SNTB2: variants seen among roughly 807,000 people sequenced by gnomAD.
SNTB2 encodes the protein syntrophin beta 2, also known as beta-2-syntrophin.
A neutral mutation model predicts 46.2 loss-of-function variants in SNTB2; 34 were observed. The ratio of observed to expected loss-of-function variants is 0.74; its 90% CI spans 0.56 to 0.98. SNTB2 has a LOEUF of 0.98. Ranked by LOEUF, SNTB2 falls within the 50% of genes least tolerant of loss-of-function variation. The pLI is 0.00. For missense variants in SNTB2, 603 were observed against 731.4 expected (o/e 0.82, Z 2.02); for synonymous variants, 290 against 312.6 (o/e 0.93, Z 0.76).
intron 3 of SNTB2, among the ~76,000 whole-genome samples, chr16:69,267,057 C>T (rs1428335018): frequency 6.7e-6 from 1 of 149,728 alleles, no homozygotes; most frequent in Non-Finnish European, 1.5e-5. Flanking sequence ...AAGACAGAGT[C>T]TCGCTCTGTT....
At chr16:69,241,331 C>T (rs1229163119) in intron 1 of SNTB2, among the ~76,000 whole-genome samples, 2 of 151,358 alleles carry the variant, frequency 1.3e-5, no homozygotes, top group South Asian at 2.1e-4. Flanking sequence ...TGCCTGCCAC[C>T]GCACCCGGCA....
Position 69,292,365 on chromosome 16 carries a change from T to A in SNTB2, c.1346-7225T>A, listed in dbSNP as rs1174082965. ...GTTCACCTTATTTTTTATATATATA[T>A]ATATATATATATATTATATATATAT... On this transcript the variant is annotated intron_variant, in intron 5 of 6. Coordinates refer to ENST00000336278, the MANE Select transcript of SNTB2 (RefSeq NM_006750.4). Among the ~76,000 whole-genome samples, 12 of 32,454 alleles carry A rather than the reference T, an allele frequency of 3.7e-4. 2 individuals are homozygous for A. The highest frequency in any genetic ancestry group is 1.6e-3 in the African/African-American group (12 of 7,374). 21.3% of individuals were successfully genotyped at this position (32,454 alleles called of 152,430 possible). A position where few individuals can be genotyped will look rare whatever the true frequency, so the allele number is the denominator to read the frequency against.
chr16:69,250,982 T>G (rs1964719601), intron 2 of SNTB2, among the ~76,000 whole-genome samples: 1 of 133,708 alleles, frequency 7.5e-6, no homozygotes, highest in African/African-American at 3.0e-5. Flanking sequence ...TGTTTATCTG[T>G]TTTTTTTTTT....
At chr16:69,224,584 A>G (rs944140387) in intron 1 of SNTB2, among the ~76,000 whole-genome samples, 12 of 152,162 alleles carry the variant, frequency 7.9e-5, no homozygotes, top group Non-Finnish European at 1.6e-4. Context: ...TTTGCCCAGT[A>G]ATTTTAGCAT....
chr16:69,187,650 G>A lies in SNTB2; in HGVS notation c.484G>A (p.Ala162Thr), dbSNP rs1460640400. Residue 162 changes from alanine (A) to threonine (T), a missense_variant, in exon 1 of 7, where the codon GCC (alanine) becomes ACC (threonine). Ala to Thr is a moderately conservative substitution (Grantham distance 58, BLOSUM62 0). Around this residue, in one of 2 missense-constraint regions of SNTB2, gnomAD observed 537 missense variants for 692.4 expected, o/e 0.78. Transcript: ENST00000336278. ...GAGCCGGGCGCTGCGGCTGGGCGACGCCATCCTGTCGGTGAACGGCACCGA... is the reference window on the plus strand; with the variant it reads ...GAGCCGGGCGCTGCGGCTGGGCGACACCATCCTGTCGGTGAACGGCACCGA... ...DQSRALRLGD[A>T]ILSVNGTDLR... The A allele has an allele frequency of 3.9e-6, 6 of 1,547,316 alleles. No homozygotes were observed. The highest frequency in any genetic ancestry group is 4.3e-6 in the Non-Finnish European group (5 of 1,152,122).
intron 1 of SNTB2, among the ~76,000 whole-genome samples, chr16:69,213,468 T>G (rs1346126451): frequency 1.3e-5 from 2 of 151,950 alleles, no homozygotes; most frequent in Admixed American, 6.6e-5. Flanking sequence ...TTTTTCATTC[T>G]AATAGTCTGT....
At chr16:69,275,352 C>G (rs1292524031) in intron 4 of SNTB2, among the ~76,000 whole-genome samples, 1 of 152,158 alleles carries the variant, frequency 6.6e-6, no homozygotes. Flanking sequence ...TAAGTATGAG[C>G]CACCATACCA....
At position 69,290,190 on chromosome 16, in the gene SNTB2, G is replaced by T. The variant is rs908255229; in HGVS notation, c.1345+5946G>T. 3.3e-5 allele frequency among the ~76,000 whole-genome samples: 5 copies of T among 152,238 alleles called. No individual in the cohort carries two copies. The East Asian group carries it at 9.7e-4, about 29-fold the overall frequency. ...GGTACAGAAGGACTTTCTCCTGCTT[G>T]CAAGTATGAACTTCAAGATGAGTAG... is the stretch of plus-strand genomic sequence containing the variant. On this transcript the variant is annotated intron_variant, in intron 5 of 6. Transcript: ENST00000336278.
chr16:69,243,560 A>G (rs896697067), intron 1 of SNTB2, among the ~76,000 whole-genome samples: 19 of 152,210 alleles, frequency 1.2e-4, no homozygotes, highest in Non-Finnish European at 4.4e-5. Flanking sequence ...TTATTCAAGA[A>G]TTCATTTAGA....
chr16:69,292,352 TTTTATATATATATATATATATATATATTA>T (rs1965167405), intron 5 of SNTB2, among the ~76,000 whole-genome samples: 1 of 58,702 alleles, frequency 1.7e-5, no homozygotes, highest in African/African-American at 8.2e-5. Context: ...TCACCTTATT[TTTTATATATATATATATATATATATATTA>T]TATATATATT....
intron 1 of SNTB2, among the ~76,000 whole-genome samples, chr16:69,209,620 T>A (rs562190367): frequency 1.2e-4 from 18 of 152,346 alleles, no homozygotes; most frequent in African/African-American, 4.3e-4. Context: ...GGAAATACTT[T>A]AAACAGTTTT....
intron 1 of SNTB2, among the ~76,000 whole-genome samples, chr16:69,234,394 C>T (rs1274010344): frequency 6.6e-6 from 1 of 152,120 alleles, no homozygotes; most frequent in Non-Finnish European, 1.5e-5. Context: ...TTATGGTAAA[C>T]ACACAATATG....
At chr16:69,217,037 T>TA (rs199982812) in intron 1 of SNTB2, among the ~76,000 whole-genome samples, 1 of 152,092 alleles carries the variant, frequency 6.6e-6, no homozygotes, top group Admixed American at 6.6e-5. Context: ...ATTTTTTTTT[T>TA]AAAGTCTGGA....
chr16:69,213,339 C>T (rs1964308525), intron 1 of SNTB2, among the ~76,000 whole-genome samples: 1 of 151,992 alleles, frequency 6.6e-6, no homozygotes, highest in Non-Finnish European at 1.5e-5. Flanking sequence ...GTTTTATTCT[C>T]AGTATTTTGC....
At chr16:69,274,640 G>A (rs571674631) in intron 4 of SNTB2, among the ~76,000 whole-genome samples, 4 of 141,904 alleles carry the variant, frequency 2.8e-5, no homozygotes, top group South Asian at 4.5e-4. Flanking sequence ...GAGACAGAGC[G>A]AGACTCCATC....
intron 3 of SNTB2, among the ~76,000 whole-genome samples, chr16:69,269,378 G>A (rs974634072): frequency 6.6e-5 from 10 of 151,892 alleles, no homozygotes; most frequent in East Asian, 5.8e-4. Context: ...TTAGCTGGGC[G>A]TGGTGGCGTA....
chr16:69,221,983 A>G (rs1192159934), intron 1 of SNTB2, among the ~76,000 whole-genome samples: 1 of 152,200 alleles, frequency 6.6e-6, no homozygotes, highest in African/African-American at 2.4e-5. Context: ...ACAAAGCTTG[A>G]GTCTTTGTTG....
At chr16:69,235,705 G>A in intron 1 of SNTB2, 2 of 1,285,248 alleles carry the variant, frequency 1.6e-6, no homozygotes, top group Non-Finnish European at 2.0e-6. Context: ...TGTATCCCCA[G>A]GGCTAACAAC....
chr16:69,272,443 G>A (rs1964946208), intron 4 of SNTB2, among the ~76,000 whole-genome samples: 1 of 151,382 alleles, frequency 6.6e-6, no homozygotes, highest in Admixed American at 6.6e-5. Flanking sequence ...GGGAGGCTGA[G>A]GCAGAAGAAT....
Sources: gnomAD v4.1 joint callset for allele counts (sites outside exome capture counted in the v4.1 genomes callset) on GRCh38, gnomAD v4.1.1 for gene constraint, gnomAD v4.1.1 regional missense constraint, MANE v1.5 for transcripts, NCBI Gene and HGNC (gene_info 2026-07-23, HGNC 2026-07-21) for gene names.